TSHZ2: variants seen among roughly 807,000 people sequenced by gnomAD.
TSHZ2 encodes the protein teashirt zinc finger homeobox 2.
In TSHZ2, 21 loss-of-function variants were observed where a neutral mutation model predicts 74.4. The observed-to-expected ratio is 0.28, with a 90% CI of 0.20 to 0.41. The LOEUF is 0.41. Among genes scored for constraint, TSHZ2 ranks in the 10% least tolerant of loss-of-function variants. The probability of loss-of-function intolerance (pLI) is 1.00; values close to 1 mark genes in which losing one functional copy is unlikely to be tolerated. For missense variants in TSHZ2, 1,244 were observed against 1,293.5 expected (o/e 0.96, Z 0.59); for synonymous variants, 540 against 515.3 (o/e 1.05, Z -0.65).
intron 1 of TSHZ2, among the ~76,000 whole-genome samples, chr20:53,012,975 G>A (rs985680351): frequency 3.3e-5 from 5 of 152,074 alleles, no homozygotes; most frequent in Non-Finnish European, 7.4e-5. Flanking sequence ...AACAAGACAA[G>A]CTACCCTAGT....
chr20:53,310,792 G>A (rs1978748413), intron 2 of TSHZ2, among the ~76,000 whole-genome samples: 1 of 152,136 alleles, frequency 6.6e-6, no homozygotes, highest in Non-Finnish European at 1.5e-5. Context: ...CTTTCAAGAT[G>A]GAGGTCACCA....
At chr20:53,423,791 A>G (rs572036898) in intron 2 of TSHZ2, among the ~76,000 whole-genome samples, 6 of 152,216 alleles carry the variant, frequency 3.9e-5, no homozygotes, top group African/African-American at 7.2e-5. Context: ...ACTGGTCCAA[A>G]ATGACCACAC....
rs539607577 is a variant in TSHZ2, at chr20:53,118,689, A to G, written c.41-134810A>G. 1.8e-4 allele frequency among the ~76,000 whole-genome samples: 27 copies of G among 152,032 alleles called. No individual in the cohort carries two copies. The East Asian group carries it at 5.2e-3, about 30-fold the overall frequency. ...TGACTGCTAGCAGCCTCTGGGGACA[A>G]TTTTCTGGAGGGGGGAAGCTGTAAG... On this transcript the variant is annotated intron_variant, in intron 1 of 2. Transcript: ENST00000371497.
chr20:53,130,268 C>T (rs1220430498), intron 1 of TSHZ2, among the ~76,000 whole-genome samples: 1 of 151,264 alleles, frequency 6.6e-6, no homozygotes, highest in African/African-American at 2.4e-5. Context: ...AGAAAAGAAA[C>T]AGTCATGGGA....
intron 2 of TSHZ2, among the ~76,000 whole-genome samples, chr20:53,388,933 C>T (rs1982152293): frequency 6.6e-6 from 1 of 152,150 alleles, no homozygotes; most frequent in African/African-American, 2.4e-5. Context: ...AATTGTGTAC[C>T]CACTACATGC....
intron 2 of TSHZ2, among the ~76,000 whole-genome samples, chr20:53,391,110 C>T (rs1000107054): frequency 7.7e-6 from 1 of 129,662 alleles, no homozygotes; most frequent in Middle Eastern, 4.6e-3. Flanking sequence ...ACAGCATATA[C>T]TACACTTTTG....
intron 1 of TSHZ2, among the ~76,000 whole-genome samples, chr20:53,025,035 T>C (rs1302143918): frequency 6.6e-6 from 1 of 152,146 alleles, no homozygotes; most frequent in Non-Finnish European, 1.5e-5. Flanking sequence ...GTAAATTATA[T>C]GCATATGCTA....
rs79154701 is a variant in TSHZ2 at position 53,244,379 on chromosome 20, C to T, written c.41-9120C>T. ...AAATCTTAATTTGATAGGAGAGTCTCAGTTCTATTGTGTAGTTTCTTTGTT... is the reference window on the plus strand; with the variant it reads ...AAATCTTAATTTGATAGGAGAGTCTTAGTTCTATTGTGTAGTTTCTTTGTT... On this transcript the variant is annotated intron_variant, in intron 1 of 2. Transcript: ENST00000371497. Among the ~76,000 whole-genome samples the T allele has an allele frequency of 7.3e-3, 1,118 of 152,284 alleles. 16 individuals carry two copies. Among genetic ancestry groups the T allele is most frequent in the African/African-American group, 0.026 (1,072 of 41,550 alleles).
chr20:53,265,076 TTGGGG>T (rs1990685048), intron 2 of TSHZ2, among the ~76,000 whole-genome samples: 1 of 151,904 alleles, frequency 6.6e-6, no homozygotes, highest in Non-Finnish European at 1.5e-5. Context: ...GAGACACAGC[TTGGGG>T]AGCAAGGGGA....
At chr20:53,392,072 A>T (rs541070430) in intron 2 of TSHZ2, among the ~76,000 whole-genome samples, 73 of 152,348 alleles carry the variant, frequency 4.8e-4, no homozygotes, top group Non-Finnish European at 1.0e-3. Context: ...AATAATAAAG[A>T]CATGGAGGTA....
At chr20:53,043,752 A>G (rs1268398704) in intron 1 of TSHZ2, among the ~76,000 whole-genome samples, 1 of 152,138 alleles carries the variant, frequency 6.6e-6, no homozygotes, top group African/African-American at 2.4e-5. Context: ...AAGATAGGCA[A>G]TCTTATAATA....
chr20:53,421,608 G>T, intron 2 of TSHZ2: 2 of 202,724 alleles, frequency 9.9e-6, no homozygotes, highest in Non-Finnish European at 1.0e-5. Context: ...TTTGGGCCAG[G>T]AATGGCAAGA....
At chr20:53,461,758 A>G (rs889823636) in intron 2 of TSHZ2, among the ~76,000 whole-genome samples, 10 of 152,226 alleles carry the variant, frequency 6.6e-5, no homozygotes, top group African/African-American at 2.4e-4. Flanking sequence ...CTTCTGGTCT[A>G]AAATTAACAT....
At chr20:53,050,113 A>ACACATATATATATACATATATATATGTG (rs1984382302) in intron 1 of TSHZ2, among the ~76,000 whole-genome samples, 1 of 97,996 alleles carries the variant, frequency 1.0e-5, no homozygotes, top group African/African-American at 7.2e-5. Flanking sequence ...GTATATATAT[A>ACACATATATATATACATATATATATGTG]TATATATATA....
Position 53,143,712 on chromosome 20 carries a change from AAATAAT to A in TSHZ2, c.41-109774_41-109769del, listed in dbSNP as rs559651046. 2.2e-3 allele frequency among the ~76,000 whole-genome samples: 332 copies of A among 151,740 alleles called. 1 individual carries two copies. Among genetic ancestry groups the A allele is most frequent in the African/African-American group, 7.6e-3 (316 of 41,386 alleles). On this transcript the variant is annotated intron_variant, in intron 1 of 2. Transcript: ENST00000371497. Reference sequence around the variant, plus strand: ...GTCTCAAAAAAATAAATAAATAAATAAATAATAATAATAATAATTGTAATAATCTTG... The same window carrying A: ...GTCTCAAAAAAATAAATAAATAAATAAATAATAATAATTGTAATAATCTTG...
chr20:53,086,992 G>A (rs1233138792), intron 1 of TSHZ2, among the ~76,000 whole-genome samples: 4 of 152,258 alleles, frequency 2.6e-5, no homozygotes, highest in African/African-American at 4.8e-5. Flanking sequence ...GGGGTGGAGG[G>A]TTTCATGCTA....
chr20:53,204,286 G>GATATACTATATCATCATATAACATT (rs1989098326), intron 1 of TSHZ2, among the ~76,000 whole-genome samples: 1 of 108,548 alleles, frequency 9.2e-6, no homozygotes, highest in Non-Finnish European at 2.0e-5. Context: ...CATATAACAT[G>GATATACTATATCATCATATAACATT]ATGATATGAT....
chr20:53,181,154 C>T lies in TSHZ2; in HGVS notation c.41-72345C>T, dbSNP rs913051410. Among the ~76,000 whole-genome samples the T allele has an allele frequency of 2.0e-5, 3 of 152,218 alleles. No individual in the cohort carries two copies. The South Asian group carries it at 6.2e-4, about 32-fold the overall frequency. On this transcript the variant is annotated intron_variant, in intron 1 of 2. Coordinates refer to ENST00000371497, the MANE Select transcript of TSHZ2 (RefSeq NM_173485.6). ...CATCTCCTGGAAGAACTTACCCTGGCCCCGCTAGATAAAGAATCTCTTCTC... is the reference window on the plus strand; with the variant it reads ...CATCTCCTGGAAGAACTTACCCTGGTCCCGCTAGATAAAGAATCTCTTCTC...
intron 1 of TSHZ2, among the ~76,000 whole-genome samples, chr20:53,116,844 C>A (rs1423453894): frequency 4.6e-5 from 7 of 152,114 alleles, no homozygotes; most frequent in African/African-American, 1.7e-4. Flanking sequence ...TCAGTCTGGG[C>A]TACTATAGCA....
Sources: allele counts gnomAD v4.1 joint callset (sites outside exome capture counted in the v4.1 genomes callset), GRCh38; gene constraint gnomAD v4.1.1; transcripts MANE v1.5; gene names NCBI Gene and HGNC (gene_info 2026-07-23, HGNC 2026-07-21).